The following COL24A1 variants were observed in gnomAD, a reference collection of about 807,000 sequenced individuals.
The protein encoded by COL24A1 is collagen type XXIV alpha 1 chain, also known as collagen alpha-1(XXIV) chain.
A neutral mutation model predicts 253.9 loss-of-function variants in COL24A1; 224 were observed. The ratio of observed to expected loss-of-function variants is 0.88; its 90% CI spans 0.79 to 0.99. The LOEUF is 0.99. COL24A1 is among the 50% of genes least tolerant of loss of function. COL24A1 has a pLI of 0.00. For synonymous variants in COL24A1, 685 were observed against 673.7 expected, an observed-to-expected ratio of 1.02 and a Z score of -0.26; for missense variants, 2,131 against 2,068.5, an observed-to-expected ratio of 1.03 and a Z score of -0.59.
At chr1:85,850,301 T>C (rs1292981126) in intron 37 of COL24A1, among the ~76,000 whole-genome samples, 4 of 152,180 alleles carry the variant, frequency 2.6e-5, no homozygotes, top group Non-Finnish European at 5.9e-5. Flanking sequence ...CTCAAATTTG[T>C]GTCCCAAAAG....
chr1:85,915,505 T>C (rs1445200539), intron 24 of COL24A1, among the ~76,000 whole-genome samples: 4 of 152,196 alleles, frequency 2.6e-5, no homozygotes, highest in Non-Finnish European at 5.9e-5. Context: ...TCTATATCTA[T>C]ATCCTGTTGG....
At chr1:86,066,329 C>G (rs1701482306) in intron 7 of COL24A1, among the ~76,000 whole-genome samples, 1 of 150,350 alleles carries the variant, frequency 6.7e-6, no homozygotes. Flanking sequence ...AGCTCCGCCT[C>G]CCGGGTTCGC....
chr1:85,828,968 G>C (rs1674792169), intron 43 of COL24A1, among the ~76,000 whole-genome samples: 1 of 151,478 alleles, frequency 6.6e-6, no homozygotes, highest in Non-Finnish European at 1.5e-5. Context: ...CTGTCATTAT[G>C]CTGTTAGCTG....
intron 19 of COL24A1, among the ~76,000 whole-genome samples, chr1:85,992,097 A>T (rs2100973259): frequency 6.8e-6 from 1 of 147,418 alleles, no homozygotes; most frequent in African/African-American, 2.5e-5. Flanking sequence ...AACAGGCCCC[A>T]GTGTGTGATG....
At chr1:86,077,470 C>T (rs1022352328) in intron 7 of COL24A1, among the ~76,000 whole-genome samples, 1 of 152,080 alleles carries the variant, frequency 6.6e-6, no homozygotes, top group South Asian at 2.1e-4. Flanking sequence ...TCATTTGACC[C>T]AGCAATCTCA....
intron 47 of COL24A1, among the ~76,000 whole-genome samples, chr1:85,808,603 T>C (rs1672219601): frequency 6.6e-6 from 1 of 152,250 alleles, no homozygotes; most frequent in South Asian, 2.1e-4. Flanking sequence ...CTTTATATTC[T>C]GGATATCTCA....
At chr1:85,816,472 A>G (rs1016473105) in intron 47 of COL24A1, among the ~76,000 whole-genome samples, 1 of 152,228 alleles carries the variant, frequency 6.6e-6, no homozygotes, top group Non-Finnish European at 1.5e-5. Flanking sequence ...AAAACATTTG[A>G]TGAACTCAAA....
At chr1:85,863,692 A>G (rs960275417) in intron 37 of COL24A1, among the ~76,000 whole-genome samples, 1 of 152,232 alleles carries the variant, frequency 6.6e-6, no homozygotes, top group African/African-American at 2.4e-5. Context: ...AAAGAACTCA[A>G]ACAAACTTAC....
intron 20 of COL24A1, among the ~76,000 whole-genome samples, chr1:85,978,575 A>G (rs1415368077): frequency 1.3e-5 from 2 of 151,930 alleles, no homozygotes; most frequent in Non-Finnish European, 2.9e-5. Context: ...CCTCAATAAC[A>G]GTTAAAAAAA....
At chr1:86,151,320 C>G (rs1049908145) in intron 1 of COL24A1, among the ~76,000 whole-genome samples, 1 of 152,100 alleles carries the variant, frequency 6.6e-6, no homozygotes, top group African/African-American at 2.4e-5. Flanking sequence ...TTTTCATTCA[C>G]TGGTTTGTAT....
intron 1 of COL24A1, among the ~76,000 whole-genome samples, chr1:86,147,887 C>T (rs948601738): frequency 6.6e-6 from 1 of 152,228 alleles, no homozygotes; most frequent in East Asian, 1.9e-4. Context: ...TTTCCTACTG[C>T]ACTAGGTCAG....
chr1:86,097,455 CTCT>C (rs1454024552), intron 5 of COL24A1, among the ~76,000 whole-genome samples: 5 of 86,028 alleles, frequency 5.8e-5, no homozygotes, highest in East Asian at 3.1e-4. Flanking sequence ...CTCCCCCCTC[CTCT>C]TCCTCCCTCC....
chr1:85,917,409 T>A (rs1686000000), intron 24 of COL24A1, among the ~76,000 whole-genome samples: 1 of 152,168 alleles, frequency 6.6e-6, no homozygotes, highest in South Asian at 2.1e-4. Flanking sequence ...TGTTTTGGAC[T>A]TTTTCTGCTT....
intron 35 of COL24A1, among the ~76,000 whole-genome samples, chr1:85,873,385 A>C (rs1028454129): frequency 6.6e-6 from 1 of 152,172 alleles, no homozygotes; most frequent in African/African-American, 2.4e-5. Flanking sequence ...AGACACATGC[A>C]CATGTATGTT....
At chr1:86,017,366 A>G (rs1343827251) in intron 18 of COL24A1, among the ~76,000 whole-genome samples, 162 bp from the exon 19 acceptor site, 1 of 152,264 alleles carries the variant, frequency 6.6e-6, no homozygotes, top group African/African-American at 2.4e-5. Context: ...TCATTACTGT[A>G]AAAGTTTTTA....
chr1:85,978,970 T>C (rs1208700340), intron 20 of COL24A1, among the ~76,000 whole-genome samples: 1 of 151,798 alleles, frequency 6.6e-6, no homozygotes, highest in Non-Finnish European at 1.5e-5. Flanking sequence ...TTTAAGAAAA[T>C]AGAAATTATA....
intron 24 of COL24A1, among the ~76,000 whole-genome samples, chr1:85,915,700 G>A (rs1416027318): frequency 2.0e-5 from 3 of 152,186 alleles, no homozygotes; most frequent in African/African-American, 4.8e-5. Flanking sequence ...CTGGGCTGGA[G>A]TGCAGTGGTA....
chr1:85,968,226 A>G (rs1029286237), intron 22 of COL24A1, among the ~76,000 whole-genome samples: 3 of 152,068 alleles, frequency 2.0e-5, no homozygotes, highest in African/African-American at 7.2e-5. Flanking sequence ...TATATATCCT[A>G]TTAGTTCTGT....
At position 85,911,820 on chromosome 1, in the gene COL24A1, A is replaced by G. The variant is rs537471050; in HGVS notation, c.2563-387T>C. On this transcript the variant is annotated intron_variant, in intron 24 of 59. Transcript: ENST00000370571. The stretch of plus-strand genomic sequence containing the variant: ...AACTACCTTTTTTGAAAGCCCCTCA[A>G]TACACAAGCGGACAGAACATGCCTA... 1.7e-4 allele frequency among the ~76,000 whole-genome samples: 26 copies of G among 152,202 alleles called. No homozygotes were observed. The East Asian group carries it at 4.4e-3, about 26-fold the overall frequency.
Sources: gnomAD v4.1 joint callset for allele counts (sites outside exome capture counted in the v4.1 genomes callset) on GRCh38, gnomAD v4.1.1 for gene constraint, MANE v1.5 for transcripts, NCBI Gene and HGNC (gene_info 2026-07-23, HGNC 2026-07-21) for gene names.